The following NPAS3 variants were observed in gnomAD, a reference collection of about 807,000 sequenced individuals.
NPAS3 encodes neuronal PAS domain protein 3.
A neutral mutation model predicts 73.1 loss-of-function variants in NPAS3; 14 were observed. That is an observed-to-expected ratio of 0.19 (90% CI 0.13 to 0.30). The LOEUF (loss-of-function observed/expected upper bound fraction) is 0.30. Ranked by LOEUF, NPAS3 falls within the 10% of genes least tolerant of loss-of-function variation. The pLI is 1.00. For synonymous variants in NPAS3, 620 were observed against 541.5 expected (o/e 1.14, Z -2.01); for missense variants, 1,096 against 1,250.0 (o/e 0.88, Z 1.86).
At chr14:33,081,780 T>C (rs2041870738) in intron 2 of NPAS3, among the ~76,000 whole-genome samples, 1 of 152,218 alleles carries the variant, frequency 6.6e-6, no homozygotes, top group South Asian at 2.1e-4. Flanking sequence ...AGGAACCACT[T>C]CTTCACAGCT....
intron 2 of NPAS3, chr14:33,214,429 T>C (rs1477098098): frequency 6.6e-6 from 1 of 152,222 alleles, no homozygotes; most frequent in Non-Finnish European, 1.5e-5. Flanking sequence ...TACAGCGCTT[T>C]ATCTTTCAAT....
chr14:33,007,121 TAA>T (rs1701836416), intron 1 of NPAS3, among the ~76,000 whole-genome samples: 1 of 152,200 alleles, frequency 6.6e-6, no homozygotes, highest in African/African-American at 2.4e-5. Context: ...GTTATAATTT[TAA>T]GTGTTAATTT....
At chr14:33,661,024 C>A (rs1427237356) in intron 5 of NPAS3, among the ~76,000 whole-genome samples, 3 of 146,126 alleles carry the variant, frequency 2.1e-5, no homozygotes, top group Non-Finnish European at 4.5e-5. Flanking sequence ...AGAAAATACA[C>A]AATGTGTTGT....
chr14:33,075,145 C>T (rs1045646949), intron 2 of NPAS3, among the ~76,000 whole-genome samples: 2 of 152,108 alleles, frequency 1.3e-5, no homozygotes, highest in Admixed American at 1.3e-4. Context: ...CTGACTTAAA[C>T]AATTTAAGGT....
intron 2 of NPAS3, among the ~76,000 whole-genome samples, chr14:33,072,183 G>A (rs564813808): frequency 6.6e-6 from 1 of 152,146 alleles, no homozygotes; most frequent in Non-Finnish European, 1.5e-5. Context: ...GAGCCACTGC[G>A]CCTGGCCAGA....
At chr14:33,697,958 G>A (rs2060430790) in intron 6 of NPAS3, among the ~76,000 whole-genome samples, 1 of 152,178 alleles carries the variant, frequency 6.6e-6, no homozygotes, top group Non-Finnish European at 1.5e-5. Flanking sequence ...TTCCATTCTG[G>A]AAGAATTCTT....
chr14:32,939,056 G>C (rs2035837582), upstream of NPAS3, among the ~76,000 whole-genome samples: 1 of 145,418 alleles, frequency 6.9e-6, no homozygotes, highest in African/African-American at 2.5e-5. Context: ...GGGACGGCCG[G>C]CCGCCCGCGA....
chr14:33,429,633 A>G (rs1286578872), intron 4 of NPAS3, among the ~76,000 whole-genome samples: 2 of 152,152 alleles, frequency 1.3e-5, no homozygotes, highest in African/African-American at 4.8e-5. Flanking sequence ...GAAGAACAGT[A>G]TACTGATTTT....
At chr14:33,375,758 T>C (rs765894216) in intron 4 of NPAS3, among the ~76,000 whole-genome samples, 1 of 152,192 alleles carries the variant, frequency 6.6e-6, no homozygotes, top group Non-Finnish European at 1.5e-5. Context: ...AACTCACAAT[T>C]TCTATTAGTA....
chr14:33,291,628 C>T (rs1450909126), intron 3 of NPAS3, among the ~76,000 whole-genome samples: 1 of 152,162 alleles, frequency 6.6e-6, no homozygotes, highest in Non-Finnish European at 1.5e-5. Context: ...ACAGGATCCG[C>T]TGGCTTTATA....
At chr14:32,958,411 G>A (rs10129344) in intron 1 of NPAS3, among the ~76,000 whole-genome samples, 62,060 of 151,934 alleles carry the variant, frequency 0.41, 13,312 homozygotes, top group Middle Eastern at 0.52. Context: ...AGCATTTGAC[G>A]CTGCTGATCA....
chr14:33,547,342 T>C (rs546198341), intron 4 of NPAS3, among the ~76,000 whole-genome samples: 2 of 152,270 alleles, frequency 1.3e-5, no homozygotes, highest in East Asian at 3.9e-4. Flanking sequence ...CAAATCTCAT[T>C]GGAGGCAAAA....
At chr14:33,649,720 G>T (rs902342446) in intron 5 of NPAS3, among the ~76,000 whole-genome samples, 1 of 152,292 alleles carries the variant, frequency 6.6e-6, no homozygotes, top group East Asian at 1.9e-4. Context: ...AATAGGCAGG[G>T]AAGGGGAATA....
At chr14:33,152,888 C>CT (rs1182768827) in intron 2 of NPAS3, among the ~76,000 whole-genome samples, 3 of 150,836 alleles carry the variant, frequency 2.0e-5, no homozygotes, top group Non-Finnish European at 4.4e-5. Flanking sequence ...ACTTTGTTGC[C>CT]TTTTTTCCTG....
intron 6 of NPAS3, among the ~76,000 whole-genome samples, chr14:33,700,672 C>G (rs1156945791): frequency 6.6e-6 from 1 of 152,162 alleles, no homozygotes; most frequent in African/African-American, 2.4e-5. Flanking sequence ...AAAGCTTATC[C>G]TATAGCAGTG....
intron 9 of NPAS3, among the ~76,000 whole-genome samples, chr14:33,782,970 G>A (rs943767866): frequency 1.2e-4 from 18 of 152,102 alleles, no homozygotes; most frequent in Non-Finnish European, 5.9e-5. Flanking sequence ...TCCTGAAGGC[G>A]TCTCATCGCC....
At chr14:33,797,320 G>T in intron 10 of NPAS3, 137 bp from the exon 11 acceptor site, 2 of 940,266 alleles carry the variant, frequency 2.1e-6, no homozygotes, top group Middle Eastern at 3.4e-4. Context: ...ATGAAGAGCT[G>T]AGAAATGATT....
chr14:33,260,453 C>T (rs1490547390), intron 3 of NPAS3, among the ~76,000 whole-genome samples: 1 of 152,152 alleles, frequency 6.6e-6, no homozygotes, highest in East Asian at 1.9e-4. Flanking sequence ...TGCTAAAGCT[C>T]ATCATGCACC....
At chr14:33,527,314 C>T (rs1463326775) in intron 4 of NPAS3, among the ~76,000 whole-genome samples, 1 of 152,126 alleles carries the variant, frequency 6.6e-6, no homozygotes, top group Admixed American at 6.6e-5. Context: ...CTTGTGATGT[C>T]GTTTACAGCA....
Sources: gnomAD v4.1 joint callset for allele counts (sites outside exome capture counted in the v4.1 genomes callset) on GRCh38, gnomAD v4.1.1 for gene constraint, MANE v1.5 for transcripts, NCBI Gene and HGNC (gene_info 2026-07-23, HGNC 2026-07-21) for gene names.